SLC24A2: variants seen among roughly 807,000 people sequenced by gnomAD.
SLC24A2 encodes sodium/potassium/calcium exchanger 2.
In SLC24A2, 36 loss-of-function variants were observed where a neutral mutation model predicts 62.0. The observed-to-expected ratio is 0.58, with a 90% CI of 0.44 to 0.77. The LOEUF (loss-of-function observed/expected upper bound fraction) is 0.77, where lower values mean the gene tolerates loss of function less well. Among genes scored for constraint, SLC24A2 ranks in the 30% least tolerant of loss-of-function variants. SLC24A2 has a pLI of 0.00. For synonymous variants in SLC24A2, 358 were observed against 294.0 expected, an observed-to-expected ratio of 1.22 and a Z score of -2.23; for missense variants, 846 against 817.9, an observed-to-expected ratio of 1.03 and a Z score of -0.42.
At chr9:19,952,867 T>A in the SLC24A2 span, among the ~76,000 whole-genome samples, 1 of 151,944 alleles carries the variant, frequency 6.6e-6, no homozygotes, top group Admixed American at 6.6e-5. Flanking sequence ...CATGAAGCCA[T>A]CTGGGTCTGG....
the SLC24A2 span, among the ~76,000 whole-genome samples, chr9:20,037,039 G>C: frequency 2.0e-5 from 3 of 152,020 alleles, no homozygotes; most frequent in Non-Finnish European, 2.9e-5. Context: ...GGGATTACAG[G>C]TGACCATCAC....
chr9:20,159,425 C>A, the SLC24A2 span, among the ~76,000 whole-genome samples: 1 of 151,532 alleles, frequency 6.6e-6, no homozygotes, highest in South Asian at 2.1e-4. Context: ...GCCCCAGAAA[C>A]CAATTTTCAC....
At chr9:19,590,363 TTC>T (rs1188217466) in intron 5 of SLC24A2, among the ~76,000 whole-genome samples, 1 of 151,956 alleles carries the variant, frequency 6.6e-6, no homozygotes, top group Non-Finnish European at 1.5e-5. Flanking sequence ...TTTCTGAAAA[TTC>T]TCTTTGTCTT....
chr9:20,011,664 T>C, the SLC24A2 span, among the ~76,000 whole-genome samples: 2 of 152,154 alleles, frequency 1.3e-5, no homozygotes, highest in Admixed American at 1.3e-4. Context: ...GCTGAAAATT[T>C]CCCAATTTGG....
the SLC24A2 span, among the ~76,000 whole-genome samples, chr9:20,230,372 T>G: frequency 1.3e-5 from 2 of 152,166 alleles, no homozygotes; most frequent in Non-Finnish European, 2.9e-5. Flanking sequence ...TGTTCCTATT[T>G]CTCCACATCC....
At chr9:19,569,921 C>T (rs1419336369) in intron 7 of SLC24A2, among the ~76,000 whole-genome samples, 1 of 152,208 alleles carries the variant, frequency 6.6e-6, no homozygotes, top group Non-Finnish European at 1.5e-5. Context: ...ACTTCAGTCT[C>T]AGTTCAAATG....
the SLC24A2 span, among the ~76,000 whole-genome samples, chr9:19,820,164 C>A: frequency 1.3e-5 from 2 of 148,230 alleles, no homozygotes; most frequent in Non-Finnish European, 3.0e-5. Context: ...GACTATTATT[C>A]TAAGTGAAGT....
chr9:20,087,107 T>C, the SLC24A2 span, among the ~76,000 whole-genome samples: 2 of 152,250 alleles, frequency 1.3e-5, no homozygotes, highest in African/African-American at 4.8e-5. Context: ...CAGAGCTTTA[T>C]CCTTTCTCCC....
At chr9:19,574,243 C>T (rs963523799) in intron 6 of SLC24A2, among the ~76,000 whole-genome samples, 1 of 152,172 alleles carries the variant, frequency 6.6e-6, no homozygotes, top group Non-Finnish European at 1.5e-5. Flanking sequence ...GCAGGCAAGG[C>T]AAGGGGGAGC....
chr9:19,740,884 AGAG>A (rs1365145369), intron 2 of SLC24A2, among the ~76,000 whole-genome samples: 5 of 138,546 alleles, frequency 3.6e-5, no homozygotes, highest in African/African-American at 1.1e-4. Context: ...AAAAAAAAAA[AGAG>A]AGAGAGAAAA....
chr9:19,641,213 C>G (rs1818483842), intron 2 of SLC24A2, among the ~76,000 whole-genome samples: 1 of 152,228 alleles, frequency 6.6e-6, no homozygotes. Context: ...ATGGTTGTCC[C>G]TCTGCTTTAC....
the SLC24A2 span, among the ~76,000 whole-genome samples, chr9:20,097,720 ATTTTTTTTTTTTTTTTTTTTTTTTTTTT>A: frequency 8.7e-5 from 6 of 69,052 alleles, no homozygotes; most frequent in Non-Finnish European, 1.6e-4. Context: ...ATCTTAAATA[ATTTTTTTTTTTTTTTTTTTTTTTTTTTT>A]TTTTTTTTTT....
chr9:19,767,451 C>T (rs1191079404), intron 2 of SLC24A2, among the ~76,000 whole-genome samples: 1 of 152,228 alleles, frequency 6.6e-6, no homozygotes, highest in Non-Finnish European at 1.5e-5. Flanking sequence ...GAGGGAATCT[C>T]CTGGTCTGCG....
At chr9:19,730,334 T>C (rs1348872003) in intron 2 of SLC24A2, among the ~76,000 whole-genome samples, 1 of 152,208 alleles carries the variant, frequency 6.6e-6, no homozygotes. Context: ...ACAGATAAAT[T>C]ACATAGTTAT....
chr9:19,876,278 A>G, the SLC24A2 span, among the ~76,000 whole-genome samples: 2 of 152,158 alleles, frequency 1.3e-5, no homozygotes, highest in African/African-American at 4.8e-5. Context: ...AGGATATACA[A>G]CAGTATCCCA....
the SLC24A2 span, among the ~76,000 whole-genome samples, chr9:20,178,033 CTG>C: frequency 2.0e-5 from 3 of 152,082 alleles, no homozygotes; most frequent in African/African-American, 4.8e-5. Flanking sequence ...AAGTAAATGA[CTG>C]TATCACTTAC....
chr9:19,545,902 G>C (rs1207777981), intron 8 of SLC24A2, among the ~76,000 whole-genome samples: 3 of 152,184 alleles, frequency 2.0e-5, no homozygotes, highest in Non-Finnish European at 4.4e-5. Context: ...CTCCCAGAGT[G>C]CTGGGATTAC....
chr9:19,602,727 C>T (rs1056402369), intron 4 of SLC24A2, among the ~76,000 whole-genome samples: 1 of 152,156 alleles, frequency 6.6e-6, no homozygotes, highest in Non-Finnish European at 1.5e-5. Flanking sequence ...TCAGTTTCTA[C>T]CTGTGTGGTC....
chr9:19,973,426 A>T, the SLC24A2 span, among the ~76,000 whole-genome samples: 7 of 152,236 alleles, frequency 4.6e-5, no homozygotes, highest in Non-Finnish European at 1.0e-4. Context: ...TTGTGGTTGG[A>T]AATTCAAAGG....
Sources: gnomAD v4.1 joint callset for allele counts (sites outside exome capture counted in the v4.1 genomes callset) on GRCh38, gnomAD v4.1.1 for gene constraint, MANE v1.5 for transcripts, NCBI Gene and HGNC (gene_info 2026-07-23, HGNC 2026-07-21) for gene names.